MACROD2: variants seen among roughly 807,000 people sequenced by gnomAD.
MACROD2 encodes the protein ADP-ribose glycohydrolase MACROD2.
MACROD2 carries 36 observed loss-of-function variants against 70.4 expected under a neutral mutation model. The ratio of observed to expected loss-of-function variants is 0.51; its 90% CI spans 0.39 to 0.68. The LOEUF is 0.68. Among genes scored for constraint, MACROD2 ranks in the 30% least tolerant of loss-of-function variants. MACROD2 has a pLI of 0.00. For synonymous variants in MACROD2, 172 were observed against 178.8 expected (o/e 0.96, Z 0.30); for missense variants, 496 against 538.4 (o/e 0.92, Z 0.78).
intron 4 of MACROD2, among the ~76,000 whole-genome samples, chr20:14,518,918 C>G (rs1278603819): frequency 3.3e-5 from 5 of 152,072 alleles, no homozygotes; most frequent in Non-Finnish European, 5.9e-5. Flanking sequence ...CAAGATAGGA[C>G]AAGCTTATTC....
At chr20:14,849,912 G>A (rs111527089) in intron 5 of MACROD2, 2 of 493,410 alleles carry the variant, frequency 4.1e-6, no homozygotes, top group African/African-American at 2.0e-5. Context: ...AGCAAATTTG[G>A]ATGCAAGAAA....
At chr20:15,823,275 C>CGTGTGTGTGT (rs11471023) in intron 8 of MACROD2, among the ~76,000 whole-genome samples, 124 of 128,708 alleles carry the variant, frequency 9.6e-4, no homozygotes, top group Middle Eastern at 4.3e-3. Flanking sequence ...GTGAGCTCTT[C>CGTGTGTGTGT]GTGTGTGTGT....
chr20:14,844,396 A>C (rs1480219938), intron 5 of MACROD2, among the ~76,000 whole-genome samples: 2 of 151,922 alleles, frequency 1.3e-5, no homozygotes, highest in African/African-American at 4.8e-5. Context: ...AGATGCCTAT[A>C]ATCCCAGCTA....
chr20:14,485,626 A>C (rs569549708), intron 3 of MACROD2, among the ~76,000 whole-genome samples: 1 of 121,448 alleles, frequency 8.2e-6, no homozygotes, highest in South Asian at 3.4e-4. Context: ...ACGTGAACCC[A>C]GGAGGCGGAG....
At chr20:14,354,271 G>T (rs1418395870) in intron 3 of MACROD2, among the ~76,000 whole-genome samples, 2 of 152,140 alleles carry the variant, frequency 1.3e-5, no homozygotes, top group African/African-American at 4.8e-5. Context: ...ACATATTCAG[G>T]ATAATAATTA....
chr20:15,126,224 G>T (rs1221842462), intron 5 of MACROD2, among the ~76,000 whole-genome samples: 1 of 148,262 alleles, frequency 6.7e-6, no homozygotes. Context: ...CCTAGGAATA[G>T]AATTGCTGGG....
At chr20:14,002,205 A>C (rs2052741200) in intron 1 of MACROD2, 83 bp from the exon 2 acceptor site, 1 of 814,550 alleles carries the variant, frequency 1.2e-6, no homozygotes, top group African/African-American at 1.8e-5. Flanking sequence ...TGTTAGCTTA[A>C]CTTGGTTAAT....
chr20:14,858,804 G>T (rs757203088), intron 5 of MACROD2, among the ~76,000 whole-genome samples: 19 of 152,136 alleles, frequency 1.2e-4, no homozygotes, highest in Non-Finnish European at 2.6e-4. Context: ...TTTCAAACCT[G>T]TGTGAGCCTT....
In MACROD2 at chr20:14,601,059, A is replaced by G. The variant is rs111770837; in HGVS notation, c.302-83784A>G. Among the ~76,000 whole-genome samples, 178 of 152,222 alleles carry G rather than the reference A, an allele frequency of 1.2e-3. 1 individual carries two copies. The highest frequency in any genetic ancestry group is 4.1e-3 in the African/African-American group (171 of 41,528). The stretch of plus-strand genomic sequence containing the variant: ...TGAATCCCGGTTCTCATCTGTAAAC[A>G]CTGAGTTATAGAGAGTTAAATCACA... On this transcript the variant is annotated intron_variant, in intron 4 of 17. Coordinates refer to ENST00000684519, the MANE Select transcript of MACROD2 (RefSeq NM_001351661.2).
chr20:15,238,354 A>G (rs1014246740), intron 6 of MACROD2, among the ~76,000 whole-genome samples: 3 of 152,112 alleles, frequency 2.0e-5, no homozygotes, highest in African/African-American at 7.2e-5. Context: ...AAACAATATC[A>G]CGTGTTGTGT....
chr20:15,980,437 G>A (rs564281959), intron 13 of MACROD2, among the ~76,000 whole-genome samples: 3 of 152,228 alleles, frequency 2.0e-5, no homozygotes, highest in South Asian at 4.2e-4. Flanking sequence ...TAGATTGATA[G>A]TGATTCATAT....
At chr20:15,079,528 A>G (rs73094002) in intron 5 of MACROD2, among the ~76,000 whole-genome samples, 14,874 of 152,136 alleles carry the variant, frequency 0.098, 892 homozygotes, top group South Asian at 0.25. Context: ...CCAAGAAGCC[A>G]TTAATCCCAC....
intron 4 of MACROD2, among the ~76,000 whole-genome samples, chr20:14,618,123 C>A (rs895353660): frequency 1.5e-5 from 2 of 136,146 alleles, no homozygotes; most frequent in Non-Finnish European, 3.2e-5. Flanking sequence ...ATTTTTTTTT[C>A]ATCAATGTAT....
At chr20:15,989,575 G>A (rs1484486774) in intron 15 of MACROD2, among the ~76,000 whole-genome samples, 1 of 151,942 alleles carries the variant, frequency 6.6e-6, no homozygotes, top group African/African-American at 2.4e-5. Flanking sequence ...TAAATTCAAA[G>A]TAGCAATTTT....
At chr20:14,258,604 G>T (rs1375089696) in intron 3 of MACROD2, among the ~76,000 whole-genome samples, 1 of 152,036 alleles carries the variant, frequency 6.6e-6, no homozygotes, top group Non-Finnish European at 1.5e-5. Context: ...GTAGATTCTG[G>T]ATATTAGTCC....
chr20:15,606,189 C>T (rs2048890621), intron 8 of MACROD2, among the ~76,000 whole-genome samples: 1 of 152,148 alleles, frequency 6.6e-6, no homozygotes. Context: ...CACTATGATA[C>T]TTTTTCTTGT....
chr20:14,148,969 T>C (rs1439025624), intron 3 of MACROD2, among the ~76,000 whole-genome samples: 1 of 152,160 alleles, frequency 6.6e-6, no homozygotes, highest in Non-Finnish European at 1.5e-5. Flanking sequence ...ACTTTTCTGC[T>C]GTTCCAGGTG....
In MACROD2 at chr20:14,916,507, C is replaced by T. The variant is rs151101627; in HGVS notation, c.418+231548C>T. Among the ~76,000 whole-genome samples the T allele has an allele frequency of 8.7e-4, 133 of 152,256 alleles. 2 individuals carry two copies. The highest frequency in any genetic ancestry group is 2.9e-3 in the African/African-American group (120 of 41,546). ...TACTTGTTTGTGAAATAGAAATGAT[C>T]ATATCTGCCTCATGTGCTTGTTGGA... On this transcript the variant is annotated intron_variant, in intron 5 of 17. Coordinates refer to ENST00000684519, the MANE Select transcript of MACROD2 (RefSeq NM_001351661.2).
chr20:14,294,389 T>A (rs2082410593), intron 3 of MACROD2, among the ~76,000 whole-genome samples: 1 of 151,382 alleles, frequency 6.6e-6, no homozygotes, highest in African/African-American at 2.4e-5. Flanking sequence ...AATTACAATC[T>A]TCTGACAGAC....
Sources: allele counts gnomAD v4.1 joint callset (sites outside exome capture counted in the v4.1 genomes callset), GRCh38; gene constraint gnomAD v4.1.1; transcripts MANE v1.5; gene names NCBI Gene and HGNC (gene_info 2026-07-23, HGNC 2026-07-21).